Variants in AFF2 observed in about 807,000 individuals in gnomAD.
The protein encoded by AFF2 is ALF transcription elongation factor 2.
Under a neutral mutation model 76.9 loss-of-function variants are expected in AFF2, and 14 were observed. The observed-to-expected ratio is 0.18, with a 90% CI of 0.12 to 0.28. AFF2 has a LOEUF of 0.28. Ranked by LOEUF, AFF2 falls within the 10% of genes least tolerant of loss-of-function variation. The pLI, the probability that AFF2 is intolerant of heterozygous loss-of-function variation, is 1.00. For synonymous variants in AFF2, 398 were observed against 366.7 expected (o/e 1.09, Z -0.98); for missense variants, 868 against 1,001.1 (o/e 0.87, Z 1.79).
chrX:148,515,719 C>T (rs1197004379), intron 1 of AFF2, among the ~76,000 whole-genome samples: 1 of 111,657 alleles, frequency 9.0e-6, no homozygotes, highest in Non-Finnish European at 1.9e-5. Context: ...GCTCAGTTCT[C>T]GTGCAATGTA....
chrX:148,653,612 G>A (rs2054223971), intron 2 of AFF2, among the ~76,000 whole-genome samples: 2 of 111,820 alleles, frequency 1.8e-5, no homozygotes, highest in Admixed American at 9.5e-5. Flanking sequence ...GATGATGTTG[G>A]GCAGTGTGGA....
intron 1 of AFF2, among the ~76,000 whole-genome samples, chrX:148,528,211 G>A (rs1235991497): frequency 2.7e-5 from 3 of 111,857 alleles, no homozygotes; most frequent in Non-Finnish European, 3.8e-5. Context: ...AAACTTGAGG[G>A]ATTTGTTAAT....
At chrX:148,658,106 T>C (rs2054271116) in intron 2 of AFF2, among the ~76,000 whole-genome samples, 1 of 111,989 alleles carries the variant, frequency 8.9e-6, no homozygotes. Flanking sequence ...ACTGGACTAC[T>C]AATTATGTGC....
At chrX:148,579,190 C>A (rs2053324917) in intron 1 of AFF2, among the ~76,000 whole-genome samples, 1 of 112,058 alleles carries the variant, frequency 8.9e-6, no homozygotes, top group Non-Finnish European at 1.9e-5. Flanking sequence ...GGAATAAAAG[C>A]ATTTTTGTTG....
At chrX:148,970,753 G>A (rs1395036563) in intron 15 of AFF2, among the ~76,000 whole-genome samples, 1 of 111,652 alleles carries the variant, frequency 9.0e-6, no homozygotes, top group Non-Finnish European at 1.9e-5. Context: ...TGGGATTATT[G>A]TCAACAGTCA....
chrX:148,545,198 C>T (rs1359854108), intron 1 of AFF2, among the ~76,000 whole-genome samples: 5 of 111,579 alleles, frequency 4.5e-5, no homozygotes, highest in African/African-American at 1.6e-4. Context: ...AATGCCTTGC[C>T]CAAGATCATG....
chrX:148,989,922 A>T (rs2072516199), intron 20 of AFF2, among the ~76,000 whole-genome samples: 1 of 112,078 alleles, frequency 8.9e-6, no homozygotes, highest in Non-Finnish European at 1.9e-5. Context: ...GCAGTTATTA[A>T]AATGGTGTCT....
intron 7 of AFF2, among the ~76,000 whole-genome samples, chrX:148,868,424 T>G (rs1364085419): frequency 8.9e-6 from 1 of 111,803 alleles, no homozygotes; most frequent in Admixed American, 9.5e-5. Context: ...GAAGCCATAG[T>G]GAGAGATCTT....
rs781966702 is a variant in AFF2, at chrX:148,845,419, A to G, written c.1262+1986A>G. On this transcript the variant is annotated intron_variant, in intron 7 of 20. Transcript: ENST00000370460. ...AGTAATATATAGTGTAGCCAATACAACTAAAATACTCTATATGAAGCATCA... is the reference window on the plus strand; with the variant it reads ...AGTAATATATAGTGTAGCCAATACAGCTAAAATACTCTATATGAAGCATCA... Among the ~76,000 whole-genome samples the G allele has an allele frequency of 3.6e-5, 4 of 111,896 alleles. No homozygotes were observed. The East Asian group carries it at 1.1e-3, about 32-fold the overall frequency.
At chrX:148,768,547 T>TACACAC (rs201464527) in intron 3 of AFF2, among the ~76,000 whole-genome samples, 1 of 108,980 alleles carries the variant, frequency 9.2e-6, no homozygotes, top group African/African-American at 3.3e-5. Context: ...TGCATATGCA[T>TACACAC]ACACACACAC....
rs1323880989 is a variant in AFF2, at chrX:148,728,401, G to C, written c.1041+65633G>C. Among the ~76,000 whole-genome samples the C allele has an allele frequency of 4.8e-4, 54 of 112,118 alleles. 1 individual carries two copies. The highest frequency in any genetic ancestry group is 1.6e-3 in the African/African-American group (50 of 30,850). ...TTTATGTAACATTAAACCCAGGTGG[G>C]TACTTACCCACTTTGCCTTGGTGCA... is the stretch of plus-strand genomic sequence containing the variant. On this transcript the variant is annotated intron_variant, in intron 3 of 20. Transcript: ENST00000370460.
chrX:148,953,527 T>C, intron 9 of AFF2, 53 bp from the exon 10 acceptor site: 1 of 1,161,573 alleles, frequency 8.6e-7, no homozygotes, highest in Non-Finnish European at 1.2e-6. Flanking sequence ...TGGGCTGTTT[T>C]CCATCTTATT....
At chrX:148,510,078 G>C (rs1427689117) in intron 1 of AFF2, among the ~76,000 whole-genome samples, 1 of 111,490 alleles carries the variant, frequency 9.0e-6, no homozygotes, top group South Asian at 3.8e-4. Context: ...ATGCAACTTT[G>C]TTGTTGTGAA....
chrX:148,960,877 G>A (rs781937617), intron 12 of AFF2, among the ~76,000 whole-genome samples: 1 of 111,519 alleles, frequency 9.0e-6, no homozygotes, highest in Non-Finnish European at 1.9e-5. Context: ...ATTGGAAGAG[G>A]TACCCAAAGA....
intron 7 of AFF2, among the ~76,000 whole-genome samples, chrX:148,846,126 T>C (rs1557274735): frequency 8.9e-6 from 1 of 111,971 alleles, no homozygotes; most frequent in Non-Finnish European, 1.9e-5. Context: ...ACCCCAACAA[T>C]ATGACTGGCT....
At chrX:148,617,235 G>GAC (rs1557250586) in intron 1 of AFF2, among the ~76,000 whole-genome samples, 6 of 111,604 alleles carry the variant, frequency 5.4e-5, no homozygotes. Flanking sequence ...TCCAGCACCT[G>GAC]TTGTTTCCTG....
chrX:148,795,687 C>T (rs375287621), intron 3 of AFF2, among the ~76,000 whole-genome samples: 19 of 97,293 alleles, frequency 2.0e-4, no homozygotes, highest in African/African-American at 7.1e-4. Flanking sequence ...CCTGTAGTCC[C>T]AGCTACTCGG....
rs377163333 is a variant in AFF2, at chrX:148,700,273, C to T, written c.1041+37505C>T. Among the ~76,000 whole-genome samples the T allele has an allele frequency of 2.2e-4, 25 of 111,506 alleles. 1 individual carries two copies. In the South Asian group the frequency reaches 9.1e-3, roughly 41 times the overall value. On this transcript the variant is annotated intron_variant, in intron 3 of 20. Transcript: ENST00000370460. ...GCTCTGTTCAAACCAGCCTTCCCTG[C>T]AACAGGACCAGGCAAGCAGGCTGAC...
At chrX:148,967,818 T>G in intron 15 of AFF2, 126 bp downstream of exon 15, 1 of 526,609 alleles carries the variant, frequency 1.9e-6, no homozygotes, top group Middle Eastern at 3.4e-4. Context: ...AACACATTGC[T>G]GCCCTGACAT....
Sources: gnomAD v4.1 joint callset for allele counts (sites outside exome capture counted in the v4.1 genomes callset) on GRCh38, gnomAD v4.1.1 for gene constraint, MANE v1.5 for transcripts, NCBI Gene and HGNC (gene_info 2026-07-23, HGNC 2026-07-21) for gene names.